Variants in EYA1 observed in about 807,000 individuals in gnomAD.
The protein encoded by EYA1 is EYA transcriptional coactivator and phosphatase 1.
Under a neutral mutation model 82.0 loss-of-function variants are expected in EYA1, and 16 were observed. The ratio of observed to expected loss-of-function variants is 0.20; its 90% CI spans 0.13 to 0.30. The LOEUF (loss-of-function observed/expected upper bound fraction) is 0.30. Ranked by LOEUF, EYA1 falls within the 10% of genes least tolerant of loss-of-function variation. The pLI is 1.00. For missense variants in EYA1, 633 were observed against 730.7 expected (o/e 0.87, Z 1.54); for synonymous variants, 261 against 264.4 (o/e 0.99, Z 0.12).
intron 2 of EYA1, among the ~76,000 whole-genome samples, chr8:71,396,281 C>G (rs1015283874): frequency 1.3e-5 from 2 of 152,012 alleles, no homozygotes; most frequent in Admixed American, 1.3e-4. Context: ...ATTTTTGTGT[C>G]TCTATTTCCT....
intron 2 of EYA1, among the ~76,000 whole-genome samples, chr8:71,452,292 C>A (rs1194101107): frequency 6.6e-6 from 1 of 152,204 alleles, no homozygotes; most frequent in Non-Finnish European, 1.5e-5. Context: ...TGGGTGGAGT[C>A]CACCACAGCT....
At chr8:71,483,676 T>C (rs1043559440) in intron 2 of EYA1, among the ~76,000 whole-genome samples, 1 of 149,332 alleles carries the variant, frequency 6.7e-6, no homozygotes, top group Admixed American at 6.7e-5. Flanking sequence ...TGTGTGTGCG[T>C]GTGTGTGTGT....
intron 17 of EYA1, among the ~76,000 whole-genome samples, chr8:71,210,857 T>A (rs184198362): frequency 9.2e-4 from 140 of 152,368 alleles, no homozygotes; most frequent in Middle Eastern, 3.4e-3. Flanking sequence ...GAAAAGGTCC[T>A]GCTGGCACAT....
chr8:71,469,679 C>T (rs1254687554), intron 2 of EYA1, among the ~76,000 whole-genome samples: 2 of 152,082 alleles, frequency 1.3e-5, no homozygotes, highest in African/African-American at 2.4e-5. Flanking sequence ...CCATTAGGTG[C>T]ATCCCAGACT....
At position 71,361,690 on chromosome 8, in the gene EYA1, G is replaced by A; in HGVS notation, c.-98C>T. 1 of 985,484 alleles carries A rather than the reference G, an allele frequency of 1.0e-6. No homozygotes were observed. The highest frequency in any genetic ancestry group is 1.7e-5 in the African/African-American group (1 of 57,360). 61.0% of individuals were successfully genotyped at this position (985,484 alleles called of 1,614,324 possible). A position where few individuals can be genotyped will look rare whatever the true frequency, so the allele number is the denominator to read the frequency against. On this transcript the variant is annotated 5_prime_UTR_variant, in exon 1 of 18. Transcript: ENST00000340726. ...ATCCACCAGTTTAATGTGTTCCTTC[G>A]AATTTTCTGGGTTAGCAAACCTCCA... is the stretch of plus-strand genomic sequence containing the variant.
chr8:71,211,652 G>C (rs189907505), intron 16 of EYA1, among the ~76,000 whole-genome samples: 1 of 152,224 alleles, frequency 6.6e-6, no homozygotes, highest in Non-Finnish European at 1.5e-5. Context: ...ATTTTAACTT[G>C]ATTTTAAAAA....
intron 2 of EYA1, among the ~76,000 whole-genome samples, chr8:71,384,526 C>T (rs942257243): frequency 4.1e-4 from 63 of 152,306 alleles, no homozygotes; most frequent in African/African-American, 1.5e-3. Flanking sequence ...TCACCCTGTG[C>T]TGTTCTGGCA....
At chr8:71,500,534 C>T (rs1811737293) in intron 2 of EYA1, among the ~76,000 whole-genome samples, 2 of 152,088 alleles carry the variant, frequency 1.3e-5, no homozygotes, top group South Asian at 2.1e-4. Context: ...CTAGGAGTCT[C>T]GTGTATGTAC....
chr8:71,316,049 T>C (rs1482669531), intron 7 of EYA1, among the ~76,000 whole-genome samples: 1 of 152,102 alleles, frequency 6.6e-6, no homozygotes, highest in African/African-American at 2.4e-5. Flanking sequence ...CTAAGATCTT[T>C]AATGTGAAAA....
chr8:71,278,352 T>C (rs989811790), intron 9 of EYA1, among the ~76,000 whole-genome samples: 1 of 152,208 alleles, frequency 6.6e-6, no homozygotes, highest in Non-Finnish European at 1.5e-5. Flanking sequence ...TCTCAGGCCT[T>C]CCTTAATACG....
rs1443718421 is a variant in EYA1 at position 71,468,699 on chromosome 8, G to A, written c.33+67045C>T. Reference sequence around the variant, plus strand: ...TTTCCCTGCCTATTCTTCCCTCAAAGTGTGTAAGTCCAATACATTCAATGC... The same window carrying A: ...TTTCCCTGCCTATTCTTCCCTCAAAATGTGTAAGTCCAATACATTCAATGC... On this transcript the variant is annotated intron_variant, in intron 2 of 18. Coordinates refer to the EYA1 transcript ENST00000643681. 7.9e-5 allele frequency among the ~76,000 whole-genome samples: 12 copies of A among 152,024 alleles called. No homozygotes were observed. In the East Asian group the frequency reaches 2.3e-3, roughly 29 times the overall value.
intron 4 of EYA1, among the ~76,000 whole-genome samples, chr8:71,325,197 T>G (rs1368604868): frequency 2.6e-5 from 4 of 152,218 alleles, no homozygotes; most frequent in Non-Finnish European, 5.9e-5. Flanking sequence ...CTTTTATGTC[T>G]GATTTGGTTG....
chr8:71,401,541 T>C (rs1829958163), intron 2 of EYA1, among the ~76,000 whole-genome samples: 1 of 152,230 alleles, frequency 6.6e-6, no homozygotes, highest in Non-Finnish European at 1.5e-5. Flanking sequence ...TATTAGCATA[T>C]TTCACAGGTT....
chr8:71,299,109 G>T lies in EYA1; in HGVS notation c.764C>A (p.Thr255Asn). The T allele has an allele frequency of 6.2e-7, 1 of 1,614,158 alleles. No individual in the cohort carries two copies. The highest frequency in any genetic ancestry group is 1.3e-5 in the African/African-American group (1 of 75,048). Reference protein sequence around the residue: ...TSPTTPSTNATYQLQEPPSGI... With the variant: ...TSPTTPSTNANYQLQEPPSGI... Reference sequence around the variant, plus strand: ...AGATGGCGGTTCTTGAAGCTGGTAAGTGGCATTGGTGGATGGTGTCGTTGG... The same window carrying T: ...AGATGGCGGTTCTTGAAGCTGGTAATTGGCATTGGTGGATGGTGTCGTTGG... Residue 255 changes from threonine to asparagine, a missense_variant, in exon 9 of 18, where the codon ACT becomes AAT. By Grantham distance (65) the Thr-to-Asn change is moderately conservative. Coordinates refer to ENST00000340726, the MANE Select transcript of EYA1 (RefSeq NM_000503.6).
intron 2 of EYA1, among the ~76,000 whole-genome samples, chr8:71,452,092 G>T (rs1807430408): frequency 6.6e-6 from 1 of 152,212 alleles, no homozygotes; most frequent in Non-Finnish European, 1.5e-5. Flanking sequence ...TTCTCCAATG[G>T]CCTTAGCAAA....
chr8:71,461,127 G>A (rs1808330645), intron 2 of EYA1, among the ~76,000 whole-genome samples: 1 of 152,096 alleles, frequency 6.6e-6, no homozygotes, highest in Non-Finnish European at 1.5e-5. Context: ...TTTGTTGCAG[G>A]ATCCTTGAGG....
intron 2 of EYA1, among the ~76,000 whole-genome samples, chr8:71,521,903 A>C (rs1036560611): frequency 6.6e-6 from 1 of 152,158 alleles, no homozygotes; most frequent in African/African-American, 2.4e-5. Context: ...ATAATACAAG[A>C]AAGAGAAGAG....
At chr8:71,220,525 A>C (rs1809762787) in intron 12 of EYA1, among the ~76,000 whole-genome samples, 1 of 152,190 alleles carries the variant, frequency 6.6e-6, no homozygotes, top group East Asian at 1.9e-4. Flanking sequence ...CTTAGCTTAG[A>C]AAGGTGGTCA....
intron 11 of EYA1, among the ~76,000 whole-genome samples, chr8:71,260,288 A>G (rs1322399047): frequency 6.6e-6 from 1 of 152,196 alleles, no homozygotes; most frequent in Non-Finnish European, 1.5e-5. Flanking sequence ...CATTGTTCCA[A>G]TTTTAAGTAG....
Sources: gnomAD v4.1 joint callset for allele counts (sites outside exome capture counted in the v4.1 genomes callset) on GRCh38, gnomAD v4.1.1 for gene constraint, MANE v1.5 for transcripts, NCBI Gene and HGNC (gene_info 2026-07-23, HGNC 2026-07-21) for gene names.